Variants in TRDN observed in about 807,000 individuals in gnomAD.
TRDN encodes the protein triadin in skeletal muscle.
A neutral mutation model predicts 149.7 loss-of-function variants in TRDN; 161 were observed. That is an observed-to-expected ratio of 1.08 (90% CI 0.95 to 1.23). TRDN has a LOEUF of 1.23. Ranked by LOEUF, TRDN falls within the 50% of genes most tolerant of loss-of-function variation. The probability of loss-of-function intolerance (pLI) is 0.00; values close to 1 mark genes in which losing one functional copy is unlikely to be tolerated. For synonymous variants in TRDN, 294 were observed against 250.5 expected (o/e 1.17, Z -1.64); for missense variants, 896 against 823.5 (o/e 1.09, Z -1.08).
At chr6:123,615,559 C>T (rs1342705343) in intron 1 of TRDN, among the ~76,000 whole-genome samples, 1 of 148,984 alleles carries the variant, frequency 6.7e-6, no homozygotes, top group Non-Finnish European at 1.5e-5. Context: ...CACACACACA[C>T]AATGGAATAT....
At chr6:123,258,412 G>T (rs1232277856) in intron 35 of TRDN, among the ~76,000 whole-genome samples, 1 of 151,992 alleles carries the variant, frequency 6.6e-6, no homozygotes, top group Non-Finnish European at 1.5e-5. Flanking sequence ...TTTGTCATTG[G>T]TTCTGTTTAT....
At chr6:123,505,979 C>T (rs1218965066) in intron 7 of TRDN, among the ~76,000 whole-genome samples, 2 of 152,152 alleles carry the variant, frequency 1.3e-5, no homozygotes, top group Non-Finnish European at 1.5e-5. Flanking sequence ...CATTTCTAAA[C>T]CTCCTTTGCT....
chr6:123,335,420 A>G (rs1316960529), intron 22 of TRDN, among the ~76,000 whole-genome samples: 1 of 151,950 alleles, frequency 6.6e-6, no homozygotes, highest in African/African-American at 2.4e-5. Flanking sequence ...ATTTTCTCTA[A>G]CATTTTCAAT....
At chr6:123,287,396 A>G (rs1029927370) in intron 24 of TRDN, among the ~76,000 whole-genome samples, 1 of 152,170 alleles carries the variant, frequency 6.6e-6, no homozygotes, top group African/African-American at 2.4e-5. Context: ...TCAAACAACA[A>G]TATCACATAA....
rs756921134 is a variant in TRDN, at chr6:123,267,768, A to G, written c.1739-17T>C. On this transcript the variant is annotated splice_polypyrimidine_tract_variant and intron_variant, in intron 31 of 40. Transcript: ENST00000334268. Reference sequence around the variant, plus strand: ...CAGCTTTTTCTAGAGAAAGAAATCAAAATTCACTGGCAATCTGTGGATTCT... The same window carrying G: ...CAGCTTTTTCTAGAGAAAGAAATCAGAATTCACTGGCAATCTGTGGATTCT... 10 of 1,558,682 alleles carry G rather than the reference A, an allele frequency of 6.4e-6. No individual in the cohort carries two copies. Among genetic ancestry groups the G allele is most frequent in the Non-Finnish European group, 8.7e-6 (10 of 1,151,150 alleles).
At chr6:123,490,214 C>T (rs1778155025) in intron 9 of TRDN, among the ~76,000 whole-genome samples, 1 of 152,142 alleles carries the variant, frequency 6.6e-6, no homozygotes, top group African/African-American at 2.4e-5. Flanking sequence ...GTAGTTCCCT[C>T]TTATCCATAA....
chr6:123,594,890 GA>G (rs1283219170), intron 1 of TRDN, among the ~76,000 whole-genome samples: 1 of 151,288 alleles, frequency 6.6e-6, no homozygotes, highest in East Asian at 1.9e-4. Flanking sequence ...TCTCTAGCAA[GA>G]AGGCCTGATA....
At chr6:123,448,746 T>C (rs1167851598) in intron 10 of TRDN, among the ~76,000 whole-genome samples, 1 of 152,088 alleles carries the variant, frequency 6.6e-6, no homozygotes, top group East Asian at 1.9e-4. Flanking sequence ...TCCTGCACTT[T>C]GGTGCAGGAG....
intron 1 of TRDN, among the ~76,000 whole-genome samples, chr6:123,601,966 A>G (rs1414357474): frequency 6.6e-6 from 1 of 152,136 alleles, no homozygotes; most frequent in Non-Finnish European, 1.5e-5. Context: ...TATCAAGACT[A>G]GAACTCAGAG....
rs571167009 is a variant in TRDN at position 123,406,578 on chromosome 6, G to A, written c.1052-12901C>T. Among the ~76,000 whole-genome samples, 290 of 151,242 alleles carry A rather than the reference G, an allele frequency of 1.9e-3. 2 individuals carry two copies. Among genetic ancestry groups the A allele is most frequent in the South Asian group, 0.014 (68 of 4,802 alleles). Reference sequence around the variant, plus strand: ...TATATAATATTAAATTTTATTTTCCGTCATATGCATGTATATAAAATGAAA... The same window carrying A: ...TATATAATATTAAATTTTATTTTCCATCATATGCATGTATATAAAATGAAA... On this transcript the variant is annotated intron_variant, in intron 12 of 40. Coordinates refer to ENST00000334268, the MANE Select transcript of TRDN (RefSeq NM_006073.4).
At chr6:123,425,255 GTGTGTGTGTGTGTGTGTGTGTGTA>G (rs1331740973) in intron 12 of TRDN, among the ~76,000 whole-genome samples, 54 of 150,926 alleles carry the variant, frequency 3.6e-4, no homozygotes, top group African/African-American at 1.3e-3. Flanking sequence ...GTGTGTGTGT[GTGTGTGTGTGTGTGTGTGTGTGTA>G]TGTGTAGATG....
intron 2 of TRDN, among the ~76,000 whole-genome samples, chr6:123,563,218 C>A (rs547339840): frequency 3.4e-4 from 52 of 152,192 alleles, no homozygotes; most frequent in Non-Finnish European, 5.0e-4. Flanking sequence ...TATTTCACCT[C>A]TCTTACTCAA....
chr6:123,364,440 C>T (rs1247819057), intron 20 of TRDN, among the ~76,000 whole-genome samples: 6 of 152,120 alleles, frequency 3.9e-5, no homozygotes, highest in Non-Finnish European at 8.8e-5. Flanking sequence ...AGATTGAGAC[C>T]ACCCTGGCCA....
At chr6:123,387,094 G>C (rs2114438521) in intron 14 of TRDN, among the ~76,000 whole-genome samples, 1 of 152,218 alleles carries the variant, frequency 6.6e-6, no homozygotes, top group Admixed American at 6.5e-5. Flanking sequence ...ATTTTAAATA[G>C]GTTATGACAT....
chr6:123,595,733 C>T (rs375140387), intron 1 of TRDN, among the ~76,000 whole-genome samples: 108 of 152,158 alleles, frequency 7.1e-4, no homozygotes, highest in African/African-American at 2.4e-3. Context: ...TGATTTCTGA[C>T]GTTACTGTTG....
chr6:123,280,857 G>C (rs1204323935), intron 24 of TRDN, among the ~76,000 whole-genome samples: 1 of 151,764 alleles, frequency 6.6e-6, no homozygotes, highest in African/African-American at 2.4e-5. Flanking sequence ...GAGATATTTG[G>C]GGACAGTGGT....
At chr6:123,536,521 A>G (rs919296030) in intron 4 of TRDN, among the ~76,000 whole-genome samples, 13 of 151,892 alleles carry the variant, frequency 8.6e-5, no homozygotes, top group Non-Finnish European at 1.3e-4. Flanking sequence ...AGATTTTACT[A>G]CTTATGGAAA....
At chr6:123,448,786 C>A (rs1775565955) in intron 10 of TRDN, among the ~76,000 whole-genome samples, 1 of 152,108 alleles carries the variant, frequency 6.6e-6, no homozygotes, top group African/African-American at 2.4e-5. Flanking sequence ...GAGCATTAAA[C>A]CACAAAAGCT....
At chr6:123,595,871 C>T (rs1423165641) in intron 1 of TRDN, among the ~76,000 whole-genome samples, 3 of 152,018 alleles carry the variant, frequency 2.0e-5, no homozygotes, top group African/African-American at 4.8e-5. Flanking sequence ...ACTCTCTCTC[C>T]CTCTCCTCAG....
Sources: allele counts gnomAD v4.1 joint callset (sites outside exome capture counted in the v4.1 genomes callset), GRCh38; gene constraint gnomAD v4.1.1; transcripts MANE v1.5; gene names NCBI Gene and HGNC (gene_info 2026-07-23, HGNC 2026-07-21).